The following WWC2 variants were observed in gnomAD, a reference collection of about 807,000 sequenced individuals.
The protein encoded by WWC2 is WW and C2 domain containing 2.
In WWC2, 101 loss-of-function variants were observed where a neutral mutation model predicts 138.5. The ratio of observed to expected loss-of-function variants is 0.73; its 90% CI spans 0.62 to 0.86. The LOEUF (loss-of-function observed/expected upper bound fraction) is 0.86. Ranked by LOEUF, WWC2 falls within the 40% of genes least tolerant of loss-of-function variation. The pLI is 0.00. For synonymous variants in WWC2, 558 were observed against 538.4 expected, an observed-to-expected ratio of 1.04 and a Z score of -0.50; for missense variants, 1,420 against 1,419.4, an observed-to-expected ratio of 1.00 and a Z score of -0.01.
At position 183,282,917 on chromosome 4, in the gene WWC2, C is replaced by A; in HGVS notation, c.2883+11C>A. 1 of 1,564,898 alleles carries A rather than the reference C, an allele frequency of 6.4e-7. No homozygotes were observed. Among genetic ancestry groups the A allele is most frequent in the East Asian group, 2.4e-5 (1 of 42,358 alleles). On this transcript the variant is annotated intron_variant, in intron 18 of 22. Transcript: ENST00000403733. The stretch of plus-strand genomic sequence containing the variant: ...AGAATACCAACACTGGTGACTATTC[C>A]GCTGTGCTGTCTTAAAACTGATACC...
chr4:183,314,275 T>C (rs1739361053), intron 22 of WWC2, among the ~76,000 whole-genome samples: 1 of 152,238 alleles, frequency 6.6e-6, no homozygotes, highest in Non-Finnish European at 1.5e-5. Flanking sequence ...AGCCCATCCA[T>C]GTCCCTGGTG....
intron 14 of WWC2, among the ~76,000 whole-genome samples, chr4:183,266,494 C>A (rs1216809824): frequency 1.3e-5 from 2 of 152,144 alleles, no homozygotes; most frequent in Non-Finnish European, 2.9e-5. Flanking sequence ...GCTACACAGT[C>A]CATTGCTTAG....
At chr4:183,127,538 G>A (rs542905979) in intron 1 of WWC2, among the ~76,000 whole-genome samples, 1 of 152,258 alleles carries the variant, frequency 6.6e-6, no homozygotes, top group African/African-American at 2.4e-5. Flanking sequence ...TAGCAGATAG[G>A]GAGGATGAGC....
At chr4:183,113,927 AC>A (rs1358227093) in intron 1 of WWC2, among the ~76,000 whole-genome samples, 1 of 152,154 alleles carries the variant, frequency 6.6e-6, no homozygotes, top group Non-Finnish European at 1.5e-5. Context: ...TGATGTGGGT[AC>A]ATGAGGCTTG....
chr4:183,274,285 A>G (rs1737785095), intron 16 of WWC2, among the ~76,000 whole-genome samples: 2 of 152,210 alleles, frequency 1.3e-5, no homozygotes, highest in African/African-American at 4.8e-5. Flanking sequence ...TCATGGGGGT[A>G]GAATTGGACC....
At chr4:183,138,637 CAA>C (rs1473038899) in intron 1 of WWC2, among the ~76,000 whole-genome samples, 2 of 152,126 alleles carry the variant, frequency 1.3e-5, no homozygotes, top group African/African-American at 4.8e-5. Flanking sequence ...GACTCCTGCG[CAA>C]AGTCATTAAC....
At chr4:183,265,438 C>G (rs948429031) in intron 12 of WWC2, among the ~76,000 whole-genome samples, 3 of 152,168 alleles carry the variant, frequency 2.0e-5, no homozygotes, top group African/African-American at 7.2e-5. Context: ...TGAAATGTCT[C>G]AAGGGTGTGG....
Position 183,271,102 on chromosome 4 carries a change from C to A in WWC2, c.2423C>A (p.Ala808Glu). The change falls in exon 16 of 23, where the codon GCA becomes GAA. Residue 808 changes from alanine to glutamate, a missense_variant. By Grantham distance (107) the Ala-to-Glu change is moderately radical. Coordinates refer to ENST00000403733, the MANE Select transcript of WWC2 (RefSeq NM_024949.6). The stretch of plus-strand genomic sequence containing the variant: ...TAGGCTGGAACTCAGATCAGCCTGG[C>A]AGATTTACCATTTTCCAGTGAGGTT... ...ECLAGTQISL[A>E]DLPFSSEVFT... is the part of the protein sequence containing the mutation. 6.2e-7 allele frequency: 1 copy of A among 1,603,306 alleles called. No individual in the cohort carries two copies.
At chr4:183,164,318 TAC>T (rs1561443767) in intron 1 of WWC2, among the ~76,000 whole-genome samples, 277 of 1,888 alleles carry the variant, frequency 0.15, 16 homozygotes, top group Non-Finnish European at 0.3. Context: ...ATATTATATA[TAC>T]ATATATATAT....
intron 4 of WWC2, among the ~76,000 whole-genome samples, chr4:183,219,316 C>T (rs1431784842): frequency 6.6e-6 from 1 of 151,994 alleles, no homozygotes; most frequent in African/African-American, 2.4e-5. Flanking sequence ...TAAGTCTTAA[C>T]ATTTATATTT....
At chr4:183,249,854 C>A in intron 7 of WWC2, 66 bp from the exon 8 acceptor site, 1 of 1,365,240 alleles carries the variant, frequency 7.3e-7, no homozygotes, top group Non-Finnish European at 1.0e-6. Context: ...TTCCCAGAAA[C>A]AAAAGCAATT....
chr4:183,112,963 A>C (rs752904843), intron 1 of WWC2, among the ~76,000 whole-genome samples: 1 of 152,106 alleles, frequency 6.6e-6, no homozygotes, highest in Non-Finnish European at 1.5e-5. Context: ...AATTTAAACT[A>C]GTTAAAATTA....
At chr4:183,174,832 T>G (rs1028917733) in intron 1 of WWC2, among the ~76,000 whole-genome samples, 4 of 151,986 alleles carry the variant, frequency 2.6e-5, no homozygotes, top group African/African-American at 2.4e-5. Context: ...TTTTGCGCTC[T>G]CTCTCTCTCT....
At chr4:183,216,954 T>C (rs141936798) in intron 4 of WWC2, among the ~76,000 whole-genome samples, 1 of 152,252 alleles carries the variant, frequency 6.6e-6, no homozygotes, top group East Asian at 1.9e-4. Flanking sequence ...GGGCTGGGAA[T>C]AGTTTGTGTT....
At chr4:183,283,976 C>CA (rs772880212) in intron 18 of WWC2, among the ~76,000 whole-genome samples, 7 of 152,290 alleles carry the variant, frequency 4.6e-5, no homozygotes, top group Non-Finnish European at 1.0e-4. Context: ...ACAGATATCA[C>CA]ACGGCCTGCT....
intron 1 of WWC2, among the ~76,000 whole-genome samples, chr4:183,107,187 G>A (rs1038982163): frequency 5.3e-5 from 8 of 150,992 alleles, no homozygotes; most frequent in African/African-American, 1.2e-4. Flanking sequence ...AGACGGAGCC[G>A]GTCTCTCTTG....
At chr4:183,276,307 T>C (rs79960663) in intron 16 of WWC2, among the ~76,000 whole-genome samples, 13,031 of 152,198 alleles carry the variant, frequency 0.086, 717 homozygotes, top group South Asian at 0.17. Flanking sequence ...TTAACTCATT[T>C]ACTTTTAATG....
Position 183,206,624 on chromosome 4 carries a change from C to T in WWC2, c.242-1329C>T, listed in dbSNP as rs143296612. On this transcript the variant is annotated intron_variant, in intron 2 of 22. Coordinates refer to ENST00000403733, the MANE Select transcript of WWC2 (RefSeq NM_024949.6). Reference sequence around the variant, plus strand: ...AAATAGAACATCAGCATCCAGGAAACCTCTTTTATTTACTCTGTCCCATTC... The same window carrying T: ...AAATAGAACATCAGCATCCAGGAAATCTCTTTTATTTACTCTGTCCCATTC... Among the ~76,000 whole-genome samples the T allele has an allele frequency of 1.4e-3, 207 of 152,240 alleles. 1 individual carries two copies. The highest frequency in any genetic ancestry group is 4.8e-3 in the African/African-American group (201 of 41,536).
intron 21 of WWC2, among the ~76,000 whole-genome samples, chr4:183,296,085 T>C (rs946222384): frequency 3.3e-5 from 5 of 152,220 alleles, no homozygotes; most frequent in Non-Finnish European, 4.4e-5. Flanking sequence ...ACCTGACGGG[T>C]GCCGTCACTT....
Sources: allele counts gnomAD v4.1 joint callset (sites outside exome capture counted in the v4.1 genomes callset), GRCh38; gene constraint gnomAD v4.1.1; transcripts MANE v1.5; gene names NCBI Gene and HGNC (gene_info 2026-07-23, HGNC 2026-07-21).